The following TEX11 variants were observed in gnomAD, a reference collection of about 807,000 sequenced individuals.
TEX11 encodes testis-expressed protein 11.
TEX11 carries 7 observed loss-of-function variants against 84.4 expected under a neutral mutation model. That is an observed-to-expected ratio of 0.08 (90% CI 0.05 to 0.16). TEX11 has a LOEUF of 0.16. Ranked by LOEUF, TEX11 falls within the 10% of genes least tolerant of loss-of-function variation. The probability of loss-of-function intolerance (pLI) is 1.00; values close to 1 mark genes in which losing one functional copy is unlikely to be tolerated. For missense variants in TEX11, 551 were observed against 660.5 expected (o/e 0.83, Z 1.82); for synonymous variants, 264 against 222.8 (o/e 1.18, Z -1.64).
At chrX:70,705,039 T>C (rs2147688858) in intron 13 of TEX11, among the ~76,000 whole-genome samples, 1 of 111,749 alleles carries the variant, frequency 8.9e-6, no homozygotes, top group African/African-American at 3.2e-5. Context: ...CCAGCACCAT[T>C]TATTAAATAG....
intron 2 of TEX11, among the ~76,000 whole-genome samples, chrX:70,898,597 T>C (rs886886273): frequency 1.2e-5 from 1 of 85,522 alleles, no homozygotes; most frequent in Admixed American, 1.6e-4. Context: ...GTCTTTATTT[T>C]ATAAACTGTA....
At chrX:70,873,826 C>T (rs1459159321) in intron 3 of TEX11, among the ~76,000 whole-genome samples, 1 of 112,106 alleles carries the variant, frequency 8.9e-6, no homozygotes, top group African/African-American at 3.2e-5. Context: ...ACTTTTCTCA[C>T]TTACCATTTC....
chrX:70,827,586 G>A (rs1361130080), intron 8 of TEX11, among the ~76,000 whole-genome samples: 1 of 111,458 alleles, frequency 9.0e-6, no homozygotes, highest in Non-Finnish European at 1.9e-5. Flanking sequence ...GTGAACATCA[G>A]TGGTGGCCTA....
At chrX:70,722,773 A>G (rs775640433) in intron 12 of TEX11, 77 bp from the exon 13 acceptor site, 4 of 792,796 alleles carry the variant, frequency 5.0e-6, no homozygotes, top group East Asian at 6.9e-5. Flanking sequence ...ATTTTCCTCT[A>G]TTCAAAATCT....
intron 25 of TEX11, among the ~76,000 whole-genome samples, chrX:70,557,221 C>T (rs1373556996): frequency 1.8e-5 from 2 of 109,345 alleles, no homozygotes; most frequent in Non-Finnish European, 3.8e-5. Flanking sequence ...GTAATTCCAG[C>T]ACTTTGGGAG....
At chrX:70,818,566 T>C (rs993953917) in intron 8 of TEX11, among the ~76,000 whole-genome samples, 4 of 110,424 alleles carry the variant, frequency 3.6e-5, no homozygotes, top group African/African-American at 1.3e-4. Flanking sequence ...CCACAGTCTT[T>C]GCCAAAGTGG....
chrX:70,625,327 C>T (rs765439437), intron 18 of TEX11, among the ~76,000 whole-genome samples: 3 of 110,761 alleles, frequency 2.7e-5, no homozygotes, highest in East Asian at 2.9e-4. Context: ...TATCTCTCCC[C>T]GACTCCTCCA....
intron 18 of TEX11, among the ~76,000 whole-genome samples, chrX:70,625,165 C>G (rs938976241): frequency 9.0e-6 from 1 of 111,378 alleles, no homozygotes; most frequent in African/African-American, 3.3e-5. Context: ...CTTGCCAATA[C>G]TACCCTTAGT....
intron 13 of TEX11, among the ~76,000 whole-genome samples, chrX:70,685,322 T>C (rs1216681661): frequency 8.9e-6 from 1 of 111,896 alleles, no homozygotes. Flanking sequence ...GCCAAGATCA[T>C]GCCACCACAC....
chrX:70,831,185 A>T (rs1007805239), intron 8 of TEX11, among the ~76,000 whole-genome samples: 1 of 112,093 alleles, frequency 8.9e-6, no homozygotes, highest in Non-Finnish European at 1.9e-5. Context: ...GGAGGACATT[A>T]AGCTAAGTGA....
At chrX:70,882,461 G>C (rs1448830504) in intron 2 of TEX11, among the ~76,000 whole-genome samples, 1 of 110,494 alleles carries the variant, frequency 9.1e-6, no homozygotes, top group Admixed American at 9.7e-5. Context: ...GGGACTACAA[G>C]CACATGCCAC....
rs745328292 is a variant in TEX11 at position 70,784,028 on chromosome X, A to G, written c.692+22677T>C. The stretch of plus-strand genomic sequence containing the variant: ...GCCTGGCAGAGACACAACAAAAAAA[A>G]AGAGAATTTTAGACCAATATCCCTG... On this transcript the variant is annotated intron_variant, in intron 9 of 29. Transcript: ENST00000374333. Among the ~76,000 whole-genome samples, 37 of 111,958 alleles carry G rather than the reference A, an allele frequency of 3.3e-4. 1 individual carries two copies. The highest frequency in any genetic ancestry group is 1.2e-3 in the African/African-American group (36 of 30,841).
chrX:70,655,033 C>T (rs192389684), intron 16 of TEX11, among the ~76,000 whole-genome samples: 1 of 109,920 alleles, frequency 9.1e-6, no homozygotes, highest in East Asian at 2.8e-4. Flanking sequence ...AAGAAGATCA[C>T]TGCATAACAA....
intron 17 of TEX11, among the ~76,000 whole-genome samples, chrX:70,645,880 A>G (rs1336723859): frequency 9.0e-6 from 1 of 111,155 alleles, no homozygotes; most frequent in African/African-American, 3.3e-5. Context: ...AATCCCTATT[A>G]AAATTCCAGT....
chrX:70,610,925 GAAAAGAT>G (rs1218980439), intron 20 of TEX11, among the ~76,000 whole-genome samples: 1 of 112,248 alleles, frequency 8.9e-6, no homozygotes, highest in Non-Finnish European at 1.9e-5. Context: ...TAATATACAA[GAAAAGAT>G]AAAAGATAAA....
chrX:70,626,798 TC>T (rs1465605236), intron 18 of TEX11, among the ~76,000 whole-genome samples: 1 of 112,396 alleles, frequency 8.9e-6, no homozygotes, highest in Non-Finnish European at 1.9e-5. Flanking sequence ...ATATTGCACT[TC>T]CGTAGTCATT....
chrX:70,546,754 C>T (rs1327744414), intron 28 of TEX11, among the ~76,000 whole-genome samples: 5 of 110,237 alleles, frequency 4.5e-5, no homozygotes, highest in East Asian at 2.8e-4. Flanking sequence ...CCTCATACAC[C>T]GCTAGTGAAA....
intron 4 of TEX11, among the ~76,000 whole-genome samples, chrX:70,863,114 G>A (rs750269515): frequency 2.7e-5 from 3 of 110,827 alleles, no homozygotes; most frequent in East Asian, 2.9e-4. Context: ...GGGAAGGGGC[G>A]TCTGTGGGCA....
intron 9 of TEX11, among the ~76,000 whole-genome samples, chrX:70,782,552 G>T (rs1331508164): frequency 9.5e-6 from 1 of 105,139 alleles, no homozygotes; most frequent in Non-Finnish European, 1.9e-5. Flanking sequence ...AGACCCATCA[G>T]TGTGCTGTGT....
Sources: gnomAD v4.1 joint callset for allele counts (sites outside exome capture counted in the v4.1 genomes callset) on GRCh38, gnomAD v4.1.1 for gene constraint, MANE v1.5 for transcripts, NCBI Gene and HGNC (gene_info 2026-07-23, HGNC 2026-07-21) for gene names.